The following ARHGAP28 variants were observed in gnomAD, a reference collection of about 807,000 sequenced individuals.
The protein encoded by ARHGAP28 is rho GTPase-activating protein 28.
In ARHGAP28, 56 loss-of-function variants were observed where a neutral mutation model predicts 90.7. The observed-to-expected ratio is 0.62, with a 90% CI of 0.50 to 0.77. The LOEUF (loss-of-function observed/expected upper bound fraction) is 0.77, where lower values mean the gene tolerates loss of function less well. ARHGAP28 is among the 30% of genes least tolerant of loss of function. The pLI is 0.00. For missense variants in ARHGAP28, 869 were observed against 900.9 expected (o/e 0.96, Z 0.45); for synonymous variants, 308 against 323.3 (o/e 0.95, Z 0.51).
chr18:6,852,666 G>A lies in ARHGAP28; in HGVS notation c.636+1540G>A, dbSNP rs1435766337. On this transcript the variant is annotated intron_variant, in intron 4 of 17. Coordinates refer to ENST00000383472, the MANE Select transcript of ARHGAP28 (RefSeq NM_001366230.1). ...CATGGACTAACAACTTTTTCCTTTC[G>A]TGTTGCCGCCTTAGCACGTGGACCT... Among the ~76,000 whole-genome samples, 6 of 151,944 alleles carry A rather than the reference G, an allele frequency of 3.9e-5. No individual in the cohort carries two copies. The South Asian group carries it at 8.3e-4, about 21-fold the overall frequency.
At chr18:6,827,072 C>A (rs2056670632) in intron 2 of ARHGAP28, among the ~76,000 whole-genome samples, 1 of 152,086 alleles carries the variant, frequency 6.6e-6, no homozygotes, top group African/African-American at 2.4e-5. Context: ...AATGAAAAGT[C>A]TCCCGTGTCT....
chr18:6,734,278 G>T (rs1337311572), intron 1 of ARHGAP28, among the ~76,000 whole-genome samples: 1 of 152,122 alleles, frequency 6.6e-6, no homozygotes, highest in Non-Finnish European at 1.5e-5. Context: ...GATAAAGCTA[G>T]ATTTTGTTTT....
intron 11 of ARHGAP28, among the ~76,000 whole-genome samples, chr18:6,886,568 G>A (rs1853447441): frequency 6.6e-6 from 1 of 152,174 alleles, no homozygotes; most frequent in Admixed American, 6.5e-5. Flanking sequence ...TATGTAGAAA[G>A]ATAACTATGT....
At chr18:6,739,645 T>TTCTCTCTCTCTCTCTCTCTC (rs138884918) in intron 1 of ARHGAP28, among the ~76,000 whole-genome samples, 6 of 144,978 alleles carry the variant, frequency 4.1e-5, no homozygotes, top group African/African-American at 1.5e-4. Context: ...TGACTAAGCT[T>TTCTCTCTCTCTCTCTCTCTC]TCTCTCTCTC....
chr18:6,765,026 A>G (rs2056189622), intron 1 of ARHGAP28, among the ~76,000 whole-genome samples: 1 of 152,206 alleles, frequency 6.6e-6, no homozygotes, highest in East Asian at 1.9e-4. Context: ...CAGACACAAG[A>G]TGTTACAAGC....
At chr18:6,827,320 A>ACCCCCCC (rs1331457514) in intron 2 of ARHGAP28, among the ~76,000 whole-genome samples, 6 of 132,018 alleles carry the variant, frequency 4.5e-5, no homozygotes, top group Non-Finnish European at 1.6e-5. Context: ...CGGGGGGCTG[A>ACCCCCCC]ACCCTCCACC....
At chr18:6,785,726 G>A (rs1302223767) in intron 1 of ARHGAP28, among the ~76,000 whole-genome samples, 1 of 152,214 alleles carries the variant, frequency 6.6e-6, no homozygotes, top group Non-Finnish European at 1.5e-5. Flanking sequence ...CCGTGCCTGT[G>A]ATGTATAAAT....
intron 1 of ARHGAP28, among the ~76,000 whole-genome samples, chr18:6,759,290 G>A (rs1364058682): frequency 1.1e-5 from 1 of 88,132 alleles, no homozygotes; most frequent in Non-Finnish European, 3.0e-5. Context: ...AAAGTAAAGT[G>A]TAATCAAAAG....
At chr18:6,855,453 C>T (rs979200153) in intron 4 of ARHGAP28, among the ~76,000 whole-genome samples, 1 of 152,134 alleles carries the variant, frequency 6.6e-6, no homozygotes, top group Non-Finnish European at 1.5e-5. Flanking sequence ...ACCTGTTTGC[C>T]GAAAGGAGCT....
intron 1 of ARHGAP28, among the ~76,000 whole-genome samples, chr18:6,737,475 A>G (rs1231952573): frequency 6.6e-6 from 1 of 152,184 alleles, no homozygotes; most frequent in African/African-American, 2.4e-5. Flanking sequence ...GTTACTTTTA[A>G]CATGCTTTGT....
chr18:6,847,626 TGG>T (rs1194144442), intron 3 of ARHGAP28, among the ~76,000 whole-genome samples: 2 of 83,064 alleles, frequency 2.4e-5, no homozygotes, highest in South Asian at 8.7e-4. Flanking sequence ...AGAGAGAGAG[TGG>T]GGGTGTGTGT....
intron 1 of ARHGAP28, among the ~76,000 whole-genome samples, chr18:6,810,263 G>A (rs752422318): frequency 3.2e-4 from 48 of 152,122 alleles, no homozygotes; most frequent in Non-Finnish European, 5.9e-4. Flanking sequence ...GGTTTGAGAA[G>A]TTCTTGCCTT....
At chr18:6,770,757 G>A (rs1183290276) in intron 1 of ARHGAP28, among the ~76,000 whole-genome samples, 2 of 152,120 alleles carry the variant, frequency 1.3e-5, no homozygotes, top group Non-Finnish European at 2.9e-5. Flanking sequence ...GGGCAGCTGA[G>A]TGAAGGGGAG....
At chr18:6,792,931 A>C (rs1490284796) in intron 1 of ARHGAP28, among the ~76,000 whole-genome samples, 1 of 152,188 alleles carries the variant, frequency 6.6e-6, no homozygotes. Context: ...CCCTAAAGCT[A>C]CTTCCAGTAT....
chr18:6,757,246 A>C (rs916725970), intron 1 of ARHGAP28, among the ~76,000 whole-genome samples: 2 of 152,248 alleles, frequency 1.3e-5, no homozygotes, highest in Non-Finnish European at 2.9e-5. Context: ...CCATTATTTC[A>C]CATGGTGAAG....
intron 1 of ARHGAP28, among the ~76,000 whole-genome samples, chr18:6,803,762 A>T (rs2056499149): frequency 6.6e-6 from 1 of 151,654 alleles, no homozygotes; most frequent in Admixed American, 6.6e-5. Context: ...TTTTATTTTT[A>T]TTTCTTATTT....
intron 3 of ARHGAP28, among the ~76,000 whole-genome samples, chr18:6,840,034 T>G (rs1156670057): frequency 6.6e-6 from 1 of 152,208 alleles, no homozygotes; most frequent in African/African-American, 2.4e-5. Flanking sequence ...TCTGTTCTGG[T>G]GGCTTCTTTC....
At chr18:6,871,549 CATT>C (rs149538372) in intron 7 of ARHGAP28, among the ~76,000 whole-genome samples, 1 of 152,120 alleles carries the variant, frequency 6.6e-6, no homozygotes, top group Non-Finnish European at 1.5e-5. Context: ...CCCAAAGTCT[CATT>C]ATTTATATCC....
intron 16 of ARHGAP28, 42 bp downstream of exon 16, chr18:6,896,668 A>G (rs1344747151): frequency 1.9e-6 from 3 of 1,606,120 alleles, no homozygotes; most frequent in Admixed American, 1.7e-5. Context: ...AGAAGGAAAA[A>G]CCTTTATCAG....
Sources: gnomAD v4.1 joint callset for allele counts (sites outside exome capture counted in the v4.1 genomes callset) on GRCh38, gnomAD v4.1.1 for gene constraint, MANE v1.5 for transcripts, NCBI Gene and HGNC (gene_info 2026-07-23, HGNC 2026-07-21) for gene names.